Variants in PRKG1 observed in about 807,000 individuals in gnomAD.
PRKG1 encodes the protein protein kinase cGMP-dependent 1, also known as cGMP-dependent protein kinase 1.
A neutral mutation model predicts 88.1 loss-of-function variants in PRKG1; 35 were observed. That is an observed-to-expected ratio of 0.40 (90% CI 0.30 to 0.53). The LOEUF (loss-of-function observed/expected upper bound fraction) is 0.53, where lower values mean the gene tolerates loss of function less well. Among genes scored for constraint, PRKG1 ranks in the 20% least tolerant of loss-of-function variants. The pLI, the probability that PRKG1 is intolerant of heterozygous loss-of-function variation, is 0.59. For synonymous variants in PRKG1, 303 were observed against 292.5 expected (o/e 1.04, Z -0.37); for missense variants, 540 against 839.8 (o/e 0.64, Z 4.41).
intron 7 of PRKG1, among the ~76,000 whole-genome samples, chr10:52,073,809 G>A (rs1846563153): frequency 6.6e-6 from 1 of 152,130 alleles, no homozygotes; most frequent in African/African-American, 2.4e-5. Flanking sequence ...AATGGAAACT[G>A]TATCCTGATT....
intron 5 of PRKG1, among the ~76,000 whole-genome samples, chr10:51,938,053 T>C (rs1842832402): frequency 6.6e-6 from 1 of 152,022 alleles, no homozygotes; most frequent in Non-Finnish European, 1.5e-5. Flanking sequence ...TAAAATCACC[T>C]GAAGCAGATG....
intron 5 of PRKG1, among the ~76,000 whole-genome samples, chr10:52,026,933 C>G (rs1326285793): frequency 1.3e-5 from 2 of 152,012 alleles, no homozygotes; most frequent in Non-Finnish European, 2.9e-5. Context: ...CGAGATCGCT[C>G]GCCACTGCAC....
At chr10:51,687,774 A>G (rs1051140122) in intron 3 of PRKG1, among the ~76,000 whole-genome samples, 1 of 152,178 alleles carries the variant, frequency 6.6e-6, no homozygotes, top group Non-Finnish European at 1.5e-5. Context: ...AAATGTTTCT[A>G]CCAATTCAAT....
intron 3 of PRKG1, among the ~76,000 whole-genome samples, chr10:51,515,833 G>C (rs992219014): frequency 6.6e-6 from 1 of 152,122 alleles, no homozygotes; most frequent in African/African-American, 2.4e-5. Flanking sequence ...GGCAGGAACC[G>C]GCCGACCACT....
chr10:52,126,015 C>T (rs1005713425), intron 7 of PRKG1: 16 of 152,090 alleles, frequency 1.1e-4, no homozygotes, highest in Non-Finnish European at 7.3e-5. Context: ...TGAGGAAGCA[C>T]GACAGAGTAA....
At chr10:51,267,941 C>T (rs10996458) in intron 2 of PRKG1, among the ~76,000 whole-genome samples, 17,150 of 152,154 alleles carry the variant, frequency 0.11, 1,351 homozygotes, top group African/African-American at 0.22. Flanking sequence ...AGCCAGATAT[C>T]GGGCAAAATT....
At chr10:51,038,763 G>A (rs892997869) in intron 1 of PRKG1, among the ~76,000 whole-genome samples, 9 of 151,846 alleles carry the variant, frequency 5.9e-5, no homozygotes, top group Non-Finnish European at 1.2e-4. Flanking sequence ...TCCAAATCTC[G>A]GCTGAATAGT....
chr10:50,995,800 G>T (rs1842831218), intron 1 of PRKG1, among the ~76,000 whole-genome samples: 1 of 152,192 alleles, frequency 6.6e-6, no homozygotes, highest in Non-Finnish European at 1.5e-5. Context: ...AATAAAAATA[G>T]ACGTATTCCA....
chr10:51,353,040 T>C (rs1842287496), intron 2 of PRKG1, among the ~76,000 whole-genome samples: 1 of 152,152 alleles, frequency 6.6e-6, no homozygotes, highest in Non-Finnish European at 1.5e-5. Flanking sequence ...GAACATTCAT[T>C]GGGGAAAAGA....
At chr10:50,992,438 A>T (rs888825122) in intron 1 of PRKG1, among the ~76,000 whole-genome samples, 1 of 152,158 alleles carries the variant, frequency 6.6e-6, no homozygotes, top group African/African-American at 2.4e-5. Flanking sequence ...CACCTGAAGC[A>T]GATTTGAGGC....
At chr10:51,004,175 G>A (rs964325852) in intron 1 of PRKG1, among the ~76,000 whole-genome samples, 3 of 152,088 alleles carry the variant, frequency 2.0e-5, no homozygotes, top group Non-Finnish European at 4.4e-5. Flanking sequence ...ATTAAAAAAT[G>A]TATACTGGCC....
At chr10:51,770,538 G>A (rs1009386635) in intron 3 of PRKG1, among the ~76,000 whole-genome samples, 3 of 152,210 alleles carry the variant, frequency 2.0e-5, no homozygotes, top group South Asian at 2.1e-4. Context: ...TAGCCTCTTA[G>A]GAACCGGACT....
At chr10:52,251,476 C>A (rs1841167084) in intron 9 of PRKG1, 94 bp from the exon 10 acceptor site, 1 of 967,986 alleles carries the variant, frequency 1.0e-6, no homozygotes, top group African/African-American at 1.6e-5. Flanking sequence ...CAGGTAAACC[C>A]TGTTCCACAG....
intron 3 of PRKG1, among the ~76,000 whole-genome samples, chr10:51,468,877 G>A (rs1008453415): frequency 2.6e-5 from 4 of 151,700 alleles, no homozygotes; most frequent in East Asian, 1.9e-4. Flanking sequence ...AAGAATGCAC[G>A]GCCAACTGGA....
intron 5 of PRKG1, among the ~76,000 whole-genome samples, chr10:51,951,541 T>C (rs1193142022): frequency 1.3e-5 from 2 of 152,228 alleles, no homozygotes; most frequent in Admixed American, 6.5e-5. Flanking sequence ...GTATTTATAA[T>C]AAATATATTT....
chr10:52,085,413 A>G (rs1483672690), intron 7 of PRKG1, among the ~76,000 whole-genome samples: 3 of 152,100 alleles, frequency 2.0e-5, no homozygotes, highest in East Asian at 1.9e-4. Context: ...TTAATTATCA[A>G]TATGGACTGG....
chr10:51,551,687 A>G (rs996062345), intron 3 of PRKG1, among the ~76,000 whole-genome samples: 2 of 151,746 alleles, frequency 1.3e-5, no homozygotes, highest in African/African-American at 4.8e-5. Flanking sequence ...TCTTTGAAAA[A>G]CTAATAATTG....
In PRKG1 at chr10:52,157,306, GATATATATATATATATATAT is replaced by G. The variant is rs142784154; in HGVS notation, c.1002-4570_1002-4551del. Among the ~76,000 whole-genome samples the G allele has an allele frequency of 4.8e-5, 6 of 125,914 alleles. No individual in the cohort carries two copies. The East Asian group carries it at 1.1e-3, about 22-fold the overall frequency. The allele number at this position is 125,914 out of a possible 152,430, so 82.6% of individuals were successfully genotyped here. On this transcript the variant is annotated intron_variant, in intron 8 of 17. Transcript: ENST00000373980. ...TATATATATTGTGTGTGAGTTAGTTGATATATATATATATATATATATATATATATATGTATATATATGTG... is the reference window on the plus strand; with the variant it reads ...TATATATATTGTGTGTGAGTTAGTTGATATATATATATGTATATATATGTG...
chr10:52,251,453 G>T, intron 9 of PRKG1, 117 bp from the exon 10 acceptor site: 1 of 758,954 alleles, frequency 1.3e-6, no homozygotes, highest in Non-Finnish European at 2.2e-6. Context: ...CTAAAAGCAA[G>T]ATGGAATGTA....
Sources: allele counts gnomAD v4.1 joint callset (sites outside exome capture counted in the v4.1 genomes callset), GRCh38; gene constraint gnomAD v4.1.1; transcripts MANE v1.5; gene names NCBI Gene and HGNC (gene_info 2026-07-23, HGNC 2026-07-21).